Variants in TEAD1 observed in about 807,000 individuals in gnomAD.
TEAD1 encodes the protein transcriptional enhancer factor TEF-1.
A neutral mutation model predicts 54.9 loss-of-function variants in TEAD1; 9 were observed. The observed-to-expected ratio is 0.16, with a 90% CI of 0.10 to 0.29. The LOEUF (loss-of-function observed/expected upper bound fraction) is 0.29, where lower values mean the gene tolerates loss of function less well. Among genes scored for constraint, TEAD1 ranks in the 10% least tolerant of loss-of-function variants. TEAD1 has a pLI of 1.00. For missense variants in TEAD1, 387 were observed against 535.9 expected, an observed-to-expected ratio of 0.72 and a Z score of 2.74; for synonymous variants, 200 against 187.8, an observed-to-expected ratio of 1.07 and a Z score of -0.53.
Position 12,810,063 on chromosome 11 carries a change from C to T in TEAD1, c.202+45629C>T, listed in dbSNP as rs531179392. ...TTGTGCAATCTTAGCTCACTGCAAG[C>T]TCCACCTCCTGGGTTCAAGCAGTTC... On this transcript the variant is annotated intron_variant, in intron 3 of 12. Transcript: ENST00000527636. 2.7e-5 allele frequency among the ~76,000 whole-genome samples: 4 copies of T among 145,680 alleles called. No homozygotes were observed. In the South Asian group the frequency reaches 6.6e-4, roughly 24 times the overall value.
chr11:12,802,620 G>C lies in TEAD1; in HGVS notation c.202+38186G>C, dbSNP rs117828468. The stretch of plus-strand genomic sequence containing the variant: ...CCCTGTGCCACTTGCTTCCTTCCCT[G>C]AGAGGTTCTGGTGGCCAGGTGTTAT... On this transcript the variant is annotated intron_variant, in intron 3 of 12. Transcript: ENST00000527636. Among the ~76,000 whole-genome samples the C allele has an allele frequency of 3.5e-4, 53 of 152,268 alleles. No homozygotes were observed. The East Asian group carries it at 0.01, about 29-fold the overall frequency.
intron 3 of TEAD1, among the ~76,000 whole-genome samples, chr11:12,856,567 G>A (rs1056357575): frequency 1.3e-5 from 2 of 152,178 alleles, no homozygotes; most frequent in African/African-American, 2.4e-5. Flanking sequence ...GGAAACATTC[G>A]ATAATCTAGT....
chr11:12,742,769 G>A (rs1944672715), intron 2 of TEAD1, among the ~76,000 whole-genome samples: 1 of 152,168 alleles, frequency 6.6e-6, no homozygotes, highest in Non-Finnish European at 1.5e-5. Context: ...CTCACATAGT[G>A]TCAAGTAAAT....
intron 2 of TEAD1, among the ~76,000 whole-genome samples, chr11:12,705,758 C>T (rs1206934724): frequency 6.6e-6 from 1 of 152,036 alleles, no homozygotes; most frequent in Non-Finnish European, 1.5e-5. Context: ...ATTATATTAC[C>T]ATGTTGTCTT....
chr11:12,784,336 A>G (rs1376238117), intron 3 of TEAD1, among the ~76,000 whole-genome samples: 1 of 152,080 alleles, frequency 6.6e-6, no homozygotes, highest in Non-Finnish European at 1.5e-5. Context: ...GCTTTGGGGC[A>G]CTTCATGGGG....
chr11:12,820,652 G>A (rs1038687523), intron 3 of TEAD1, among the ~76,000 whole-genome samples: 1 of 152,196 alleles, frequency 6.6e-6, no homozygotes, highest in Non-Finnish European at 1.5e-5. Context: ...AGAATACAAA[G>A]TAGTGCTTAT....
At chr11:12,748,926 G>C (rs1944808156) in intron 2 of TEAD1, among the ~76,000 whole-genome samples, 1 of 152,030 alleles carries the variant, frequency 6.6e-6, no homozygotes, top group African/African-American at 2.4e-5. Flanking sequence ...AGGGGAGGAG[G>C]GGAACCTAGG....
intron 2 of TEAD1, among the ~76,000 whole-genome samples, chr11:12,756,686 G>T (rs1483218370): frequency 3.3e-5 from 5 of 152,198 alleles, no homozygotes; most frequent in African/African-American, 1.2e-4. Flanking sequence ...TGAGGGTATA[G>T]TGTATTTGAT....
In TEAD1 at chr11:12,674,699, GC is replaced by G. The variant is rs1261013405; in HGVS notation, c.-342del. On this transcript the variant is annotated 5_prime_UTR_variant, in exon 1 of 13. Coordinates refer to ENST00000527636, the MANE Select transcript of TEAD1 (RefSeq NM_021961.6). ...CAGCCGGCCCCGGGGCAGGAGCGGT[GC>G]TAGGCAGGGGTGGGGTGGCCGGGCC... The G allele has an allele frequency of 5.3e-5, 8 of 151,308 alleles. No homozygotes were observed. The highest frequency in any genetic ancestry group is 1.9e-4 in the African/African-American group (8 of 41,332). 9.4% of individuals were successfully genotyped at this position (151,308 alleles called of 1,614,324 possible). A position where few individuals can be genotyped will look rare whatever the true frequency, so the allele number is the denominator to read the frequency against.
intron 2 of TEAD1, among the ~76,000 whole-genome samples, chr11:12,762,034 C>T (rs1045116482): frequency 2.6e-5 from 4 of 152,070 alleles, no homozygotes; most frequent in African/African-American, 9.7e-5. Context: ...GTCCCTCAGT[C>T]CCTTCAGCCA....
intron 9 of TEAD1, among the ~76,000 whole-genome samples, chr11:12,896,241 A>G (rs749283403): frequency 3.3e-5 from 5 of 152,206 alleles, no homozygotes; most frequent in Non-Finnish European, 7.3e-5. Context: ...TCTTCTCCAG[A>G]TGGTGAGATA....
At chr11:12,744,201 T>C (rs1326100097) in intron 2 of TEAD1, among the ~76,000 whole-genome samples, 1 of 152,230 alleles carries the variant, frequency 6.6e-6, no homozygotes, top group East Asian at 1.9e-4. Context: ...CAGAAAATAC[T>C]GTGTATACAG....
intron 2 of TEAD1, among the ~76,000 whole-genome samples, chr11:12,696,436 G>A (rs1236729186): frequency 6.6e-6 from 1 of 152,180 alleles, no homozygotes. Context: ...CATGGGTATA[G>A]AGAAGTGTGG....
chr11:12,865,429 TC>T (rs1385228945), intron 5 of TEAD1: 2 of 159,374 alleles, frequency 1.3e-5, no homozygotes, highest in Non-Finnish European at 2.8e-5. Flanking sequence ...GCATGTCTCT[TC>T]CCTCAGAGTA....
intron 2 of TEAD1, among the ~76,000 whole-genome samples, chr11:12,710,030 A>T (rs1943902363): frequency 1.3e-5 from 2 of 152,162 alleles, no homozygotes; most frequent in South Asian, 4.1e-4. Flanking sequence ...TTAAAAAAAA[A>T]AAAATGGAAT....
chr11:12,830,294 G>A (rs575948667), intron 3 of TEAD1, among the ~76,000 whole-genome samples: 1 of 152,204 alleles, frequency 6.6e-6, no homozygotes, highest in East Asian at 1.9e-4. Context: ...GGCTGGCAGT[G>A]GGGGGCATCC....
intron 5 of TEAD1, among the ~76,000 whole-genome samples, chr11:12,875,388 A>G (rs1428517853): frequency 2.0e-5 from 3 of 152,208 alleles, no homozygotes; most frequent in South Asian, 2.1e-4. Context: ...GCAAATGACA[A>G]TTTAGAGGTC....
intron 3 of TEAD1, among the ~76,000 whole-genome samples, chr11:12,781,799 C>A: frequency 6.6e-6 from 1 of 151,052 alleles, no homozygotes; most frequent in African/African-American, 2.4e-5. Flanking sequence ...ATTATAGGAC[C>A]CAAAAGAAAT....
At chr11:12,747,498 C>A (rs1944770808) in intron 2 of TEAD1, among the ~76,000 whole-genome samples, 1 of 152,108 alleles carries the variant, frequency 6.6e-6, no homozygotes. Context: ...CCACACCCAT[C>A]TAATTTTTTG....
Sources: allele counts gnomAD v4.1 joint callset (sites outside exome capture counted in the v4.1 genomes callset), GRCh38; gene constraint gnomAD v4.1.1; transcripts MANE v1.5; gene names NCBI Gene and HGNC (gene_info 2026-07-23, HGNC 2026-07-21).